Variants in PALM2AKAP2 observed in about 807,000 individuals in gnomAD.
PALM2AKAP2 encodes PALM2 and AKAP2 fusion, also known as PALM2-AKAP2 fusion protein.
Under a neutral mutation model 71.5 loss-of-function variants are expected in PALM2AKAP2, and 37 were observed. The observed-to-expected ratio is 0.52, with a 90% CI of 0.40 to 0.68. The LOEUF (loss-of-function observed/expected upper bound fraction) is 0.68. Ranked by LOEUF, PALM2AKAP2 falls within the 30% of genes least tolerant of loss-of-function variation. PALM2AKAP2 has a pLI of 0.00. For missense variants in PALM2AKAP2, 1,224 were observed against 1,191.8 expected (o/e 1.03, Z -0.40); for synonymous variants, 468 against 478.8 (o/e 0.98, Z 0.29).
intron 1 of PALM2AKAP2, among the ~76,000 whole-genome samples, chr9:109,710,516 G>A (rs540554063): frequency 2.6e-5 from 4 of 152,314 alleles, no homozygotes; most frequent in Admixed American, 6.5e-5. Context: ...TGACACTGTC[G>A]CAAGTTAGTA....
At chr9:109,701,294 T>C (rs951991267) in intron 1 of PALM2AKAP2, among the ~76,000 whole-genome samples, 2 of 152,244 alleles carry the variant, frequency 1.3e-5, no homozygotes, top group African/African-American at 4.8e-5. Flanking sequence ...AAGTCAATCC[T>C]AAGCCAAAAG....
At chr9:109,829,491 G>C (rs904624531) in intron 1 of PALM2AKAP2, among the ~76,000 whole-genome samples, 10 of 152,120 alleles carry the variant, frequency 6.6e-5, no homozygotes, top group African/African-American at 2.2e-4. Context: ...AATTCAGGGT[G>C]TCTTAGGACT....
exon 2 of PALM2AKAP2, chr9:110,137,554 C>T (rs369833637): frequency 2.6e-5 from 42 of 1,614,064 alleles, no homozygotes; most frequent in Non-Finnish European, 3.4e-5. Flanking sequence ...AATTTACGAG[C>T]GCCCGGGCTG....
intron 3 of PALM2AKAP2, among the ~76,000 whole-genome samples, chr9:109,903,435 T>A: frequency 6.6e-6 from 1 of 152,184 alleles, no homozygotes; most frequent in Non-Finnish European, 1.5e-5. Context: ...ATGGTTCACA[T>A]AGGCCCACTA....
chr9:109,743,170 A>G (rs1885505), intron 1 of PALM2AKAP2, among the ~76,000 whole-genome samples: 6,567 of 152,184 alleles, frequency 0.043, 189 homozygotes, highest in Non-Finnish European at 0.053. Context: ...CCAGTAGGAT[A>G]AAAAAAGGGA....
At chr9:109,691,871 C>CACACACATATATATATATATATAT (rs1564114862) in intron 1 of PALM2AKAP2, among the ~76,000 whole-genome samples, 2 of 52,642 alleles carry the variant, frequency 3.8e-5, no homozygotes, top group Non-Finnish European at 7.3e-5. Flanking sequence ...TATATATACA[C>CACACACATATATATATATATATAT]ACACACACAC....
At chr9:109,693,720 ATGT>A (rs763372821) in intron 1 of PALM2AKAP2, among the ~76,000 whole-genome samples, 41 of 152,008 alleles carry the variant, frequency 2.7e-4, no homozygotes, top group Admixed American at 5.2e-4. Flanking sequence ...ATTTAGAAAT[ATGT>A]TGTTTAATTT....
chr9:109,936,886 C>G (rs1654385244), intron 6 of PALM2AKAP2, among the ~76,000 whole-genome samples: 2 of 152,202 alleles, frequency 1.3e-5, no homozygotes, highest in African/African-American at 2.4e-5. Flanking sequence ...GCCTGTTCCT[C>G]CTCCCGTAAT....
rs201989372 is a variant in PALM2AKAP2, at chr9:109,696,041, G to A, written c.5+55175G>A. ...TTGGAATGTTTCCAATACAAAGATC[G>A]GATAAATATTTGAAGTAGTAGACTC... On this transcript the variant is annotated intron_variant, in intron 1 of 6. Coordinates refer to the PALM2AKAP2 transcript ENST00000374531. 1.4e-4 allele frequency among the ~76,000 whole-genome samples: 21 copies of A among 152,114 alleles called. No homozygotes were observed. In the East Asian group the frequency reaches 2.9e-3, roughly 21 times the overall value.
intron 1 of PALM2AKAP2, among the ~76,000 whole-genome samples, chr9:110,054,448 A>T (rs1833789770): frequency 6.6e-6 from 1 of 152,230 alleles, no homozygotes; most frequent in African/African-American, 2.4e-5. Context: ...GTGTAAAATC[A>T]GATGGTTATG....
exon 4 of PALM2AKAP2, chr9:110,168,510 C>T (rs1329186374): frequency 5.6e-6 from 9 of 1,613,506 alleles, no homozygotes; most frequent in Non-Finnish European, 6.8e-6. Context: ...TTCCTTCAAC[C>T]CAGGAAGCGT....
chr9:109,894,279 C>T (rs1031245324), intron 3 of PALM2AKAP2, among the ~76,000 whole-genome samples: 2 of 152,190 alleles, frequency 1.3e-5, no homozygotes, highest in Non-Finnish European at 2.9e-5. Context: ...GCAGAGGTTG[C>T]AGTCAGCCAA....
intron 1 of PALM2AKAP2, among the ~76,000 whole-genome samples, chr9:110,091,663 C>A (rs866663549): frequency 6.6e-6 from 1 of 151,894 alleles, no homozygotes; most frequent in African/African-American, 2.4e-5. Flanking sequence ...GGGGTTTCAC[C>A]GTGTTAGCCA....
chr9:110,008,758 G>T (rs1448248059), intron 6 of PALM2AKAP2, among the ~76,000 whole-genome samples: 1 of 152,046 alleles, frequency 6.6e-6, no homozygotes, highest in African/African-American at 2.4e-5. Context: ...CTTACACTGG[G>T]GCTTAGGCTA....
intron 1 of PALM2AKAP2, among the ~76,000 whole-genome samples, chr9:109,790,336 G>C (rs1226068571): frequency 6.6e-6 from 1 of 151,322 alleles, no homozygotes; most frequent in Non-Finnish European, 1.5e-5. Flanking sequence ...TAGGTGGGTG[G>C]GATTTTTCCC....
intron 1 of PALM2AKAP2, among the ~76,000 whole-genome samples, chr9:109,845,376 G>C (rs1221892823): frequency 6.6e-6 from 1 of 152,232 alleles, no homozygotes; most frequent in Non-Finnish European, 1.5e-5. Flanking sequence ...TGGCCACAAA[G>C]TGCTTGACTT....
At chr9:109,945,679 G>A (rs1228558235) in intron 6 of PALM2AKAP2, 3 of 152,226 alleles carry the variant, frequency 2.0e-5, no homozygotes, top group African/African-American at 7.2e-5. Flanking sequence ...TTCAATGTGA[G>A]TTTTAAAAAG....
Position 109,968,278 on chromosome 9 carries a change from A to T in PALM2AKAP2, c.496+36250A>T, listed in dbSNP as rs569262936. On this transcript the variant is annotated intron_variant, in intron 6 of 9. Transcript: ENST00000302798. ...GCAACTTGAGGCCCTCGCGTACCCC[A>T]TAGGCTGTGGAAGGCCTGGATCTGC... 2.0e-4 allele frequency among the ~76,000 whole-genome samples: 30 copies of T among 152,330 alleles called. No homozygotes were observed. In the South Asian group the frequency reaches 3.1e-3, roughly 16 times the overall value.
intron 3 of PALM2AKAP2, among the ~76,000 whole-genome samples, chr9:109,882,547 AT>A (rs1360548257): frequency 6.6e-6 from 1 of 152,240 alleles, no homozygotes; most frequent in Non-Finnish European, 1.5e-5. Flanking sequence ...ATACATATAT[AT>A]ATAGAGAGAG....
Sources: gnomAD v4.1 joint callset for allele counts (sites outside exome capture counted in the v4.1 genomes callset) on GRCh38, gnomAD v4.1.1 for gene constraint, MANE v1.5 for transcripts, NCBI Gene and HGNC (gene_info 2026-07-23, HGNC 2026-07-21) for gene names.